Variants in CDH8 observed in about 807,000 individuals in gnomAD.
The protein encoded by CDH8 is cadherin 8.
A neutral mutation model predicts 68.1 loss-of-function variants in CDH8; 17 were observed. The ratio of observed to expected loss-of-function variants is 0.25; its 90% CI spans 0.17 to 0.37. The LOEUF is 0.37. Among genes scored for constraint, CDH8 ranks in the 10% least tolerant of loss-of-function variants. The pLI is 1.00. For missense variants in CDH8, 763 were observed against 999.3 expected (o/e 0.76, Z 3.19); for synonymous variants, 372 against 365.1 (o/e 1.02, Z -0.21).
chr16:61,844,336 C>T (rs1196505700), intron 4 of CDH8, among the ~76,000 whole-genome samples: 3 of 150,874 alleles, frequency 2.0e-5, no homozygotes, highest in Admixed American at 1.3e-4. Flanking sequence ...TGCTAAATGA[C>T]GAGTTAATGG....
intron 10 of CDH8, among the ~76,000 whole-genome samples, chr16:61,707,996 C>T (rs1480924081): frequency 6.6e-6 from 1 of 151,976 alleles, no homozygotes; most frequent in East Asian, 1.9e-4. Context: ...CTAAATAATT[C>T]TTTATATTCT....
intron 7 of CDH8, among the ~76,000 whole-genome samples, chr16:61,807,933 T>C (rs528700766): frequency 3.9e-5 from 6 of 152,280 alleles, no homozygotes; most frequent in Non-Finnish European, 5.9e-5. Context: ...TCAGACTCCA[T>C]CTACTTTCAA....
chr16:61,676,558 G>A (rs1963915789), intron 10 of CDH8, among the ~76,000 whole-genome samples: 1 of 152,000 alleles, frequency 6.6e-6, no homozygotes, highest in Non-Finnish European at 1.5e-5. Context: ...TAAAATTCAA[G>A]ATTCATTCAT....
intron 9 of CDH8, among the ~76,000 whole-genome samples, chr16:61,721,166 T>C (rs543191210): frequency 1.8e-4 from 27 of 151,016 alleles, no homozygotes; most frequent in Non-Finnish European, 3.4e-4. Flanking sequence ...CCAAAAGTCA[T>C]ACTTTTGTTA....
At chr16:62,010,544 G>T (rs1214423436) in intron 2 of CDH8, among the ~76,000 whole-genome samples, 1 of 152,124 alleles carries the variant, frequency 6.6e-6, no homozygotes, top group Non-Finnish European at 1.5e-5. Context: ...CTTTATCAGG[G>T]GATTGATGTG....
rs1273637040 is a variant in CDH8, at chr16:61,919,038, C to A, written c.253-17565G>T. Among the ~76,000 whole-genome samples, 11 of 147,136 alleles carry A rather than the reference C, an allele frequency of 7.5e-5. 2 individuals carry two copies. The highest frequency in any genetic ancestry group is 2.5e-5 in the African/African-American group (1 of 39,758). On this transcript the variant is annotated intron_variant, in intron 2 of 11. Transcript: ENST00000577390. Reference sequence around the variant, plus strand: ...CCCCGAGCAGCCTAACTGGGAGGCACCCCCCAGCAGGGGCATACTGACACC... The same window carrying A: ...CCCCGAGCAGCCTAACTGGGAGGCAACCCCCAGCAGGGGCATACTGACACC...
intron 2 of CDH8, among the ~76,000 whole-genome samples, chr16:61,958,193 G>A (rs1965019005): frequency 6.6e-6 from 1 of 152,146 alleles, no homozygotes; most frequent in Non-Finnish European, 1.5e-5. Context: ...GCATGAGACA[G>A]GGAAAATTCC....
chr16:61,687,458 T>G (rs1018667190), intron 10 of CDH8, among the ~76,000 whole-genome samples: 4 of 152,034 alleles, frequency 2.6e-5, no homozygotes, highest in African/African-American at 9.7e-5. Context: ...AGCAGCACTC[T>G]GGGCACCTAG....
rs1963350153 is a variant in CDH8, at chr16:61,652,767, C to T, written c.*841G>A. ...ATGGACATCAATAAAATATTTATTT[C>T]GAGGATTAAACAAATAAATTCACGC... On this transcript the variant is annotated 3_prime_UTR_variant, in exon 12 of 12. Transcript: ENST00000577390. 7 of 1,319,204 alleles carry T rather than the reference C, an allele frequency of 5.3e-6. No individual in the cohort carries two copies. The highest frequency in any genetic ancestry group is 2.9e-5 in the East Asian group (1 of 34,344). 81.7% of individuals were successfully genotyped at this position (1,319,204 alleles called of 1,614,324 possible).
intron 9 of CDH8, among the ~76,000 whole-genome samples, chr16:61,724,775 G>A: frequency 6.6e-6 from 1 of 150,902 alleles, no homozygotes; most frequent in Middle Eastern, 3.2e-3. Context: ...TAGTGAGTCA[G>A]TCATTTGTGT....
At chr16:61,785,504 G>T (rs1164424865) in intron 8 of CDH8, among the ~76,000 whole-genome samples, 2 of 13,398 alleles carry the variant, frequency 1.5e-4, no homozygotes, top group African/African-American at 7.8e-4. Context: ...AATTCTACCA[G>T]AGGTACAAGG....
chr16:61,931,440 C>T (rs759161886), intron 2 of CDH8, among the ~76,000 whole-genome samples: 46 of 152,110 alleles, frequency 3.0e-4, no homozygotes, highest in Non-Finnish European at 5.4e-4. Flanking sequence ...TTTCCCAAAG[C>T]ACTGTGATTA....
Position 61,649,707 on chromosome 16 carries a change from AAGC to A in CDH8, c.*3898_*3900del. On this transcript the variant is annotated 3_prime_UTR_variant, in exon 12 of 12. Transcript: ENST00000577390. ...TTATACATTCGTGAGATTCCCTGCA[AAGC>A]CAGTGATCGCATAATACAACTTGTT... is the stretch of plus-strand genomic sequence containing the variant. 1.3e-5 allele frequency: 2 copies of A among 152,030 alleles called. No homozygotes were observed. Among genetic ancestry groups the A allele is most frequent in the African/African-American group, 4.8e-5 (2 of 41,418 alleles). 9.4% of individuals were successfully genotyped at this position (152,030 alleles called of 1,614,324 possible).
chr16:61,766,146 C>A (rs767991195), intron 8 of CDH8, among the ~76,000 whole-genome samples: 2 of 151,624 alleles, frequency 1.3e-5, no homozygotes, highest in Non-Finnish European at 2.9e-5. Context: ...TCCCTCCCAC[C>A]CTACCCCCTT....
chr16:61,899,059 A>G (rs370632206), intron 3 of CDH8, among the ~76,000 whole-genome samples: 1 of 152,144 alleles, frequency 6.6e-6, no homozygotes. Context: ...TGCACGTGCC[A>G]TGGTGATTTG....
At chr16:61,953,056 G>A (rs772128805) in intron 2 of CDH8, among the ~76,000 whole-genome samples, 1 of 152,064 alleles carries the variant, frequency 6.6e-6, no homozygotes, top group Non-Finnish European at 1.5e-5. Flanking sequence ...CTCCTGAATG[G>A]GATTAGTGCA....
At chr16:61,703,132 T>G (rs777258174) in intron 10 of CDH8, among the ~76,000 whole-genome samples, 7 of 152,332 alleles carry the variant, frequency 4.6e-5, no homozygotes, top group South Asian at 4.1e-4. Flanking sequence ...AATTCATATT[T>G]CTGAAAAAAC....
chr16:61,952,527 T>C (rs762897572), intron 2 of CDH8, among the ~76,000 whole-genome samples: 20 of 152,182 alleles, frequency 1.3e-4, no homozygotes, highest in Non-Finnish European at 2.1e-4. Flanking sequence ...AGCAGGCTGG[T>C]TGCTGAAATG....
chr16:61,772,173 C>A (rs1458312120), intron 8 of CDH8, among the ~76,000 whole-genome samples: 2 of 152,004 alleles, frequency 1.3e-5, no homozygotes, highest in African/African-American at 4.8e-5. Flanking sequence ...GGACCTCCCC[C>A]ACCTAACCAC....
Sources: gnomAD v4.1 joint callset for allele counts (sites outside exome capture counted in the v4.1 genomes callset) on GRCh38, gnomAD v4.1.1 for gene constraint, MANE v1.5 for transcripts, NCBI Gene and HGNC (gene_info 2026-07-23, HGNC 2026-07-21) for gene names.